The following PDE6C variants were observed in gnomAD, a reference collection of about 807,000 sequenced individuals.
PDE6C encodes phosphodiesterase 6C, also known as cone cGMP-specific 3',5'-cyclic phosphodiesterase subunit alpha'.
A neutral mutation model predicts 113.1 loss-of-function variants in PDE6C; 75 were observed. The observed-to-expected ratio is 0.66, with a 90% confidence interval of 0.55 to 0.80. PDE6C has a LOEUF of 0.80. Among genes scored for constraint, PDE6C ranks in the 30% least tolerant of loss-of-function variants. The pLI is 0.00. For synonymous variants in PDE6C, 375 were observed against 363.7 expected (o/e 1.03, Z -0.35); for missense variants, 912 against 1,038.6 (o/e 0.88, Z 1.67).
intron 11 of PDE6C, 59 bp downstream of exon 11, chr10:93,637,122 T>A: frequency 1.2e-6 from 1 of 838,520 alleles, no homozygotes; most frequent in East Asian, 2.5e-5. Context: ...AAATCAATAA[T>A]ATATTAGGAC....
rs773271454 is a variant in PDE6C at position 93,658,988 on chromosome 10, A to C, written c.2124A>C (p.Pro708=). Reference sequence around the variant, plus strand: ...CCATCAAATATGTAACTGTTGATCCAACCAAGAAAGAGATTATCATGTAGG... The same window carrying C: ...CCATCAAATATGTAACTGTTGATCCCACCAAGAAAGAGATTATCATGTAGG... The part of the protein sequence containing the change: ...EEAIKYVTVD[P]TKKEIIMAMM... Residue 708 remains proline (P), a synonymous_variant, in exon 17 of 22, where the codon CCA becomes CCC. Transcript: ENST00000371447. 2 of 1,608,388 alleles carry C rather than the reference A, an allele frequency of 1.2e-6. No individual in the cohort carries two copies. The highest frequency in any genetic ancestry group is 1.7e-6 in the Non-Finnish European group (2 of 1,175,046).
At chr10:93,617,548 C>T (rs1167226060) in intron 1 of PDE6C, among the ~76,000 whole-genome samples, 1 of 152,130 alleles carries the variant, frequency 6.6e-6, no homozygotes, top group Non-Finnish European at 1.5e-5. Context: ...CTGAGGTGGG[C>T]AGATCACCTG....
At chr10:93,658,513 G>A (rs2133876961) in intron 16 of PDE6C, among the ~76,000 whole-genome samples, 1 of 152,070 alleles carries the variant, frequency 6.6e-6, no homozygotes, top group Middle Eastern at 3.4e-3. Flanking sequence ...GTCTTGCTTT[G>A]TTGCCCAGGC....
intron 18 of PDE6C, among the ~76,000 whole-genome samples, chr10:93,659,580 C>T (rs1373234381): frequency 6.6e-6 from 1 of 152,090 alleles, no homozygotes; most frequent in Non-Finnish European, 1.5e-5. Flanking sequence ...GAAGGAAGAG[C>T]AAAGGGATGT....
At chr10:93,615,396 A>G (rs549528387) in intron 1 of PDE6C, among the ~76,000 whole-genome samples, 1 of 152,252 alleles carries the variant, frequency 6.6e-6, no homozygotes, top group South Asian at 2.1e-4. Flanking sequence ...TTATTTATTT[A>G]TTTTTGAGAC....
chr10:93,632,053 G>A (rs2058504262), intron 8 of PDE6C, among the ~76,000 whole-genome samples: 1 of 152,144 alleles, frequency 6.6e-6, no homozygotes, highest in Admixed American at 6.5e-5. Context: ...CAGCTTCTCA[G>A]GGCCTCCCGC....
At position 93,646,025 on chromosome 10, in the gene PDE6C, G is replaced by C; in HGVS notation, c.1913G>C (p.Ser638Thr). The change falls in exon 15 of 22, where the codon AGT becomes ACT. Residue 638 changes from serine to threonine, a missense_variant. Transcript: ENST00000371447. The part of the protein sequence containing the change: ...SILERHHLEY[S>T]KTLLQDESLN... ...TTGGAGAGGCACCACCTGGAGTACAGTAAGACTCTGTTGCAGGATGAGGTA... is the reference window on the plus strand; with the variant it reads ...TTGGAGAGGCACCACCTGGAGTACACTAAGACTCTGTTGCAGGATGAGGTA... The C allele has an allele frequency of 6.3e-7, 1 of 1,599,174 alleles. No individual in the cohort carries two copies. Among genetic ancestry groups the C allele is most frequent in the Non-Finnish European group, 8.6e-7 (1 of 1,166,444 alleles).
At chr10:93,645,829 G>T in intron 14 of PDE6C, 131 bp from the exon 15 acceptor site, 3 of 668,260 alleles carry the variant, frequency 4.5e-6, no homozygotes, top group Non-Finnish European at 8.2e-6. Context: ...TTTCCAATAT[G>T]TTATTTTTGA....
chr10:93,646,161 C>A (rs1420004986), intron 15 of PDE6C, 114 bp downstream of exon 15: 2 of 687,700 alleles, frequency 2.9e-6, no homozygotes, highest in African/African-American at 3.6e-5. Flanking sequence ...ATAGTGTATA[C>A]CCTTGTTGAA....
At chr10:93,616,452 G>A (rs2058420042) in intron 1 of PDE6C, among the ~76,000 whole-genome samples, 1 of 152,170 alleles carries the variant, frequency 6.6e-6, no homozygotes, top group African/African-American at 2.4e-5. Context: ...GTGTGATGGA[G>A]TTTCTACCCC....
intron 15 of PDE6C, among the ~76,000 whole-genome samples, chr10:93,650,401 T>C (rs1222228280): frequency 6.6e-6 from 1 of 152,094 alleles, no homozygotes; most frequent in African/African-American, 2.4e-5. Flanking sequence ...CATGAGTCTC[T>C]ATACCTGGCT....
chr10:93,662,231 G>T, intron 19 of PDE6C, 98 bp downstream of exon 19: 1 of 789,720 alleles, frequency 1.3e-6, no homozygotes, highest in East Asian at 2.5e-5. Context: ...TTGGGAGGCT[G>T]AGGTGGGCAG....
chr10:93,612,773 C>A lies in PDE6C; in HGVS notation c.48C>A (p.Asn16Lys), dbSNP rs1460337124. The A allele has an allele frequency of 3.1e-6, 5 of 1,613,990 alleles. No homozygotes were observed. The highest frequency in any genetic ancestry group is 4.5e-5 in the East Asian group (2 of 44,890). Residue 16 changes from asparagine to lysine, a missense_variant, in exon 1 of 22, where the codon AAC becomes AAA. Coordinates refer to ENST00000371447, the MANE Select transcript of PDE6C (RefSeq NM_006204.4). ...CCGTGGAGAAATACCTGGAGGAGAACCCTCAGTTTGCCAAGGAGTACTTTG... is the reference window on the plus strand; with the variant it reads ...CCGTGGAGAAATACCTGGAGGAGAAACCTCAGTTTGCCAAGGAGTACTTTG... ...QVAVEKYLEE[N>K]PQFAKEYFDR...
chr10:93,658,759 C>T (rs1248735076), intron 16 of PDE6C, 142 bp from the exon 17 acceptor site: 4 of 662,306 alleles, frequency 6.0e-6, no homozygotes, highest in South Asian at 3.3e-5. Flanking sequence ...TCTCTGCTCT[C>T]GTATTTTCTG....
intron 15 of PDE6C, among the ~76,000 whole-genome samples, chr10:93,650,389 G>A (rs768589370): frequency 1.3e-5 from 2 of 152,114 alleles, no homozygotes; most frequent in South Asian, 2.1e-4. Context: ...TGGGACTACA[G>A]ACATGAGTCT....
At position 93,620,614 on chromosome 10, in the gene PDE6C, T is replaced by C. The variant is rs998083310; in HGVS notation, c.481-18T>C. On this transcript the variant is annotated intron_variant, in intron 1 of 21. Transcript: ENST00000371447. Reference sequence around the variant, plus strand: ...TGATTTTGTGCCACTTTGACAAATATGTGACTGTCTCTTTCAGAACAGCCA... The same window carrying C: ...TGATTTTGTGCCACTTTGACAAATACGTGACTGTCTCTTTCAGAACAGCCA... 3 of 1,613,698 alleles carry C rather than the reference T, an allele frequency of 1.9e-6. No individual in the cohort carries two copies. Among genetic ancestry groups the C allele is most frequent in the African/African-American group, 2.7e-5 (2 of 74,918 alleles).
At chr10:93,662,955 A>C in intron 20 of PDE6C, 73 bp from the exon 21 acceptor site, 1 of 1,302,730 alleles carries the variant, frequency 7.7e-7, no homozygotes, top group Non-Finnish European at 1.1e-6. Flanking sequence ...CTTACAGCTC[A>C]CTCTCTGCAT....
At chr10:93,641,986 C>G (rs1288763225) in intron 14 of PDE6C, among the ~76,000 whole-genome samples, 1 of 152,102 alleles carries the variant, frequency 6.6e-6, no homozygotes, top group Non-Finnish European at 1.5e-5. Flanking sequence ...GTAATGGTAC[C>G]CAGCACATAA....
chr10:93,665,585 T>C lies in PDE6C; in HGVS notation c.*167T>C. The C allele has an allele frequency of 1.6e-6, 1 of 613,106 alleles. No homozygotes were observed. Among genetic ancestry groups the C allele is most frequent in the Non-Finnish European group, 2.9e-6 (1 of 346,498 alleles). 38.0% of individuals were successfully genotyped at this position (613,106 alleles called of 1,614,324 possible). ...TAGCCCAAAAATCCCAGGGGCAAAA[T>C]AAAGTTCAACAAAAGTGCAAAATAT... On this transcript the variant is annotated 3_prime_UTR_variant, in exon 22 of 22. Coordinates refer to ENST00000371447, the MANE Select transcript of PDE6C (RefSeq NM_006204.4).
Sources: allele counts gnomAD v4.1 joint callset (sites outside exome capture counted in the v4.1 genomes callset), GRCh38; gene constraint gnomAD v4.1.1; transcripts MANE v1.5; gene names NCBI Gene and HGNC (gene_info 2026-07-23, HGNC 2026-07-21).